The following GRID2 variants were observed in gnomAD, a reference collection of about 807,000 sequenced individuals.
GRID2 encodes glutamate receptor ionotropic, delta-2.
GRID2 carries 33 observed loss-of-function variants against 114.8 expected under a neutral mutation model. The observed-to-expected ratio is 0.29, with a 90% CI of 0.22 to 0.38. The LOEUF (loss-of-function observed/expected upper bound fraction) is 0.38, where lower values mean the gene tolerates loss of function less well. GRID2 is among the 10% of genes least tolerant of loss of function. The probability of loss-of-function intolerance (pLI) is 1.00; values close to 1 mark genes in which losing one functional copy is unlikely to be tolerated. For missense variants in GRID2, 1,184 were observed against 1,257.7 expected, an observed-to-expected ratio of 0.94 and a Z score of 0.89; for synonymous variants, 505 against 449.9, an observed-to-expected ratio of 1.12 and a Z score of -1.55.
At chr4:92,577,349 GA>G (rs1367110771) in intron 1 of GRID2, among the ~76,000 whole-genome samples, 1 of 152,176 alleles carries the variant, frequency 6.6e-6, no homozygotes, top group African/African-American at 2.4e-5. Context: ...TTAGGATTAA[GA>G]AAAATGAGAT....
At chr4:93,747,129 G>A (rs575691271) in intron 14 of GRID2, among the ~76,000 whole-genome samples, 1 of 152,044 alleles carries the variant, frequency 6.6e-6, no homozygotes, top group African/African-American at 2.4e-5. Flanking sequence ...TTATTCCACC[G>A]AAACACAGTT....
intron 4 of GRID2, among the ~76,000 whole-genome samples, chr4:93,131,445 C>T (rs142601942): frequency 6.6e-6 from 1 of 151,696 alleles, no homozygotes; most frequent in Non-Finnish European, 1.5e-5. Flanking sequence ...AGCCACCACG[C>T]CTGCCCAATT....
intron 2 of GRID2, among the ~76,000 whole-genome samples, chr4:92,671,065 T>C (rs1733038338): frequency 6.6e-6 from 1 of 152,118 alleles, no homozygotes; most frequent in South Asian, 2.1e-4. Context: ...CTGCATAATT[T>C]ATGAAGAAAA....
At chr4:93,457,883 G>A (rs1252732546) in intron 11 of GRID2, among the ~76,000 whole-genome samples, 3 of 152,150 alleles carry the variant, frequency 2.0e-5, no homozygotes, top group East Asian at 1.9e-4. Context: ...TGAGCTATCC[G>A]TGAAACATCC....
chr4:93,428,132 A>G (rs1417791583), intron 10 of GRID2, among the ~76,000 whole-genome samples: 1 of 152,122 alleles, frequency 6.6e-6, no homozygotes. Context: ...GAAGCTTTTA[A>G]AGTGGAGTAT....
At chr4:93,082,211 C>G (rs930019149) in intron 2 of GRID2, among the ~76,000 whole-genome samples, 2 of 152,194 alleles carry the variant, frequency 1.3e-5, no homozygotes, top group African/African-American at 4.8e-5. Flanking sequence ...CTTTCCTCTT[C>G]AGTGGGACTA....
At chr4:92,733,056 A>G (rs530978383) in intron 2 of GRID2, among the ~76,000 whole-genome samples, 2 of 152,104 alleles carry the variant, frequency 1.3e-5, no homozygotes, top group South Asian at 4.1e-4. Context: ...TTAAATCAGG[A>G]AACCCACACT....
chr4:93,496,962 T>C (rs1409785360), intron 12 of GRID2, among the ~76,000 whole-genome samples: 1 of 151,852 alleles, frequency 6.6e-6, no homozygotes, highest in Non-Finnish European at 1.5e-5. Flanking sequence ...CCCTACTAAT[T>C]TCCAGAGTGG....
chr4:93,765,161 T>G (rs1195520740), intron 14 of GRID2, among the ~76,000 whole-genome samples: 2 of 152,172 alleles, frequency 1.3e-5, no homozygotes, highest in Non-Finnish European at 2.9e-5. Flanking sequence ...GGGTTTTTGT[T>G]AAATCATAAA....
chr4:93,752,360 T>TTTTA (rs58427324), intron 14 of GRID2, among the ~76,000 whole-genome samples: 29,941 of 149,142 alleles, frequency 0.2, 3,103 homozygotes, highest in Admixed American at 0.24. Context: ...CATACTGTTC[T>TTTTA]TTTATTTATT....
intron 4 of GRID2, among the ~76,000 whole-genome samples, chr4:93,205,204 G>T (rs1334800595): frequency 4.6e-5 from 7 of 151,478 alleles, no homozygotes; most frequent in African/African-American, 1.7e-4. Context: ...ACCATTACTG[G>T]TATAAAGTGT....
intron 2 of GRID2, among the ~76,000 whole-genome samples, chr4:92,721,615 C>G (rs576532871): frequency 3.3e-5 from 5 of 151,942 alleles, no homozygotes; most frequent in Non-Finnish European, 7.4e-5. Flanking sequence ...AAGGAGTAGA[C>G]AGAATTATAG....
chr4:93,681,152 A>T (rs1307517433), intron 14 of GRID2, among the ~76,000 whole-genome samples: 2 of 151,110 alleles, frequency 1.3e-5, no homozygotes, highest in Non-Finnish European at 3.0e-5. Flanking sequence ...AAACAGAGCG[A>T]AATCATGAGT....
At chr4:92,568,724 C>T (rs1727470910) in intron 1 of GRID2, among the ~76,000 whole-genome samples, 1 of 151,950 alleles carries the variant, frequency 6.6e-6, no homozygotes, top group Non-Finnish European at 1.5e-5. Context: ...TCCCTCTTCC[C>T]ACCTTCACCC....
At chr4:93,125,176 T>C (rs1734154741) in intron 4 of GRID2, among the ~76,000 whole-genome samples, 1 of 152,058 alleles carries the variant, frequency 6.6e-6, no homozygotes, top group Non-Finnish European at 1.5e-5. Context: ...TAGACCTGGG[T>C]CCTGAAATCA....
At chr4:92,344,911 T>C (rs1459261309) in intron 1 of GRID2, among the ~76,000 whole-genome samples, 1 of 152,152 alleles carries the variant, frequency 6.6e-6, no homozygotes, top group African/African-American at 2.4e-5. Flanking sequence ...AATAGTTTTG[T>C]GGGTCCAGGT....
intron 1 of GRID2, 86 bp downstream of exon 1, chr4:92,304,830 CTG>C (rs1725292773): frequency 4.2e-6 from 4 of 953,096 alleles, no homozygotes; most frequent in South Asian, 2.6e-5. Flanking sequence ...TCTCCGGTCT[CTG>C]TGTGTCTTGT....
chr4:92,659,263 T>G (rs1478042365), intron 2 of GRID2, among the ~76,000 whole-genome samples: 1 of 151,614 alleles, frequency 6.6e-6, no homozygotes, highest in Non-Finnish European at 1.5e-5. Flanking sequence ...TTATTGCCAT[T>G]TACATGTTTT....
intron 2 of GRID2, among the ~76,000 whole-genome samples, chr4:93,077,819 G>A (rs1047550157): frequency 3.9e-5 from 6 of 152,116 alleles, no homozygotes; most frequent in African/African-American, 1.2e-4. Flanking sequence ...AGGCTATTGG[G>A]AAAAGGCCTT....
Sources: allele counts gnomAD v4.1 joint callset (sites outside exome capture counted in the v4.1 genomes callset), GRCh38; gene constraint gnomAD v4.1.1; transcripts MANE v1.5; gene names NCBI Gene and HGNC (gene_info 2026-07-23, HGNC 2026-07-21).